Variants in NR2C2 observed in about 807,000 individuals in gnomAD.
The protein encoded by NR2C2 is nuclear receptor subfamily 2 group C member 2.
Under a neutral mutation model 62.9 loss-of-function variants are expected in NR2C2, and 6 were observed. The observed-to-expected ratio is 0.10, with a 90% CI of 0.05 to 0.19. The LOEUF (loss-of-function observed/expected upper bound fraction) is 0.19, where lower values mean the gene tolerates loss of function less well. Among genes scored for constraint, NR2C2 ranks in the 10% least tolerant of loss-of-function variants. The pLI is 1.00. For missense variants in NR2C2, 479 were observed against 762.7 expected (o/e 0.63, Z 4.38); for synonymous variants, 272 against 273.8 (o/e 0.99, Z 0.07).
intron 2 of NR2C2, chr3:15,004,678 T>G: frequency 6.4e-7 from 1 of 1,563,082 alleles, no homozygotes; most frequent in Non-Finnish European, 8.7e-7. Context: ...TGACAAAGAT[T>G]TATTGTTATC....
chr3:14,958,359 G>A (rs529678207), intron 1 of NR2C2, among the ~76,000 whole-genome samples: 210 of 151,598 alleles, frequency 1.4e-3, no homozygotes, highest in Non-Finnish European at 2.6e-3. Flanking sequence ...TTTAACTTAA[G>A]GTACTCAGTA....
chr3:15,001,413 C>T (rs573203433), intron 1 of NR2C2, among the ~76,000 whole-genome samples: 1 of 145,520 alleles, frequency 6.9e-6, no homozygotes, highest in African/African-American at 2.6e-5. Context: ...TGGCTCACTG[C>T]AACCTCCGCC....
chr3:14,999,460 T>C (rs965177794), intron 1 of NR2C2, among the ~76,000 whole-genome samples: 1 of 152,304 alleles, frequency 6.6e-6, no homozygotes, highest in Admixed American at 6.5e-5. Flanking sequence ...TACTGCGCTC[T>C]AGCACAGGCA....
intron 5 of NR2C2, 47 bp downstream of exon 5, chr3:15,020,979 C>T: frequency 6.5e-7 from 1 of 1,539,534 alleles, no homozygotes; most frequent in Non-Finnish European, 8.9e-7. Context: ...TGGAGGGAGA[C>T]AGTAAATGAG....
At chr3:15,035,936 G>C (rs2042091139) in intron 11 of NR2C2, among the ~76,000 whole-genome samples, 1 of 152,228 alleles carries the variant, frequency 6.6e-6, no homozygotes, top group South Asian at 2.1e-4. Context: ...GCTGAGGCGG[G>C]AGAACCACTT....
intron 1 of NR2C2, among the ~76,000 whole-genome samples, chr3:14,960,548 G>A (rs1224531189): frequency 6.6e-6 from 1 of 152,054 alleles, no homozygotes; most frequent in Non-Finnish European, 1.5e-5. Flanking sequence ...CTCTTTTAGG[G>A]AACCCAATAG....
chr3:15,029,840 GATAT>G (rs757871550), intron 8 of NR2C2, among the ~76,000 whole-genome samples: 1 of 120,952 alleles, frequency 8.3e-6, no homozygotes, highest in South Asian at 2.4e-4. Flanking sequence ...TAGATAGATA[GATAT>G]AGATAGACCC....
intron 1 of NR2C2, chr3:14,948,813 T>G (rs1473119134): frequency 6.6e-6 from 1 of 152,272 alleles, no homozygotes; most frequent in Admixed American, 6.5e-5. Flanking sequence ...CTGCTCGTTA[T>G]TTCGCAGCGG....
intron 1 of NR2C2, among the ~76,000 whole-genome samples, chr3:14,973,880 C>G (rs2040124284): frequency 6.6e-6 from 1 of 152,100 alleles, no homozygotes. Context: ...CAGGTAAGCC[C>G]ATCACAAGTT....
chr3:14,952,229 G>A (rs550224349), intron 1 of NR2C2, among the ~76,000 whole-genome samples: 14 of 152,344 alleles, frequency 9.2e-5, no homozygotes, highest in African/African-American at 3.4e-4. Flanking sequence ...TTGGGGCCAG[G>A]GATAGCGGAT....
chr3:15,003,897 C>T lies in NR2C2; in HGVS notation c.-18C>T, dbSNP rs749305587. ...ACAGGTAACACGTACACAGACCTCT[C>T]GGCCGGAATCTCCAGGGATGACCAG... On this transcript the variant is annotated 5_prime_UTR_variant, in exon 2 of 14. Coordinates refer to ENST00000425241, the MANE Select transcript of NR2C2 (RefSeq NM_001291694.2). The T allele has an allele frequency of 3.7e-6, 6 of 1,613,554 alleles. No individual in the cohort carries two copies. Among genetic ancestry groups the T allele is most frequent in the Non-Finnish European group, 5.1e-6 (6 of 1,179,566 alleles).
chr3:14,973,817 C>T (rs2040121930), intron 1 of NR2C2, among the ~76,000 whole-genome samples: 1 of 152,020 alleles, frequency 6.6e-6, no homozygotes, highest in Non-Finnish European at 1.5e-5. Context: ...AAAATTTACT[C>T]TCTTAACCGT....
chr3:14,988,502 G>A (rs564985420), intron 1 of NR2C2, among the ~76,000 whole-genome samples: 1 of 152,336 alleles, frequency 6.6e-6, no homozygotes, highest in African/African-American at 2.4e-5. Flanking sequence ...AGGCCAGAGG[G>A]CAGGAGCAAA....
At chr3:14,962,295 A>G (rs1380730212) in intron 1 of NR2C2, 3 of 152,660 alleles carry the variant, frequency 2.0e-5, no homozygotes, top group Non-Finnish European at 2.9e-5. Flanking sequence ...TCTGTCTGCT[A>G]TAGAGGGCAA....
chr3:15,029,493 A>G (rs2041910051), intron 8 of NR2C2, among the ~76,000 whole-genome samples: 2 of 152,184 alleles, frequency 1.3e-5, no homozygotes. Context: ...CTGATAACAA[A>G]TAAGATCTAG....
chr3:15,021,053 C>T, intron 5 of NR2C2, 121 bp downstream of exon 5: 2 of 989,488 alleles, frequency 2.0e-6, no homozygotes, highest in Non-Finnish European at 2.9e-6. Flanking sequence ...TGCACTCAGG[C>T]TTCATTTTGG....
chr3:14,975,486 C>T (rs1030662028), intron 1 of NR2C2, among the ~76,000 whole-genome samples: 5 of 151,542 alleles, frequency 3.3e-5, no homozygotes, highest in Non-Finnish European at 7.4e-5. Context: ...TGTTTTTTTC[C>T]GTTCATTCTT....
chr3:15,002,138 A>G (rs138162828), intron 1 of NR2C2, among the ~76,000 whole-genome samples: 291 of 152,312 alleles, frequency 1.9e-3, no homozygotes, highest in African/African-American at 6.5e-3. Context: ...GAGAATGGAC[A>G]TCCTCATCTT....
chr3:15,036,187 CAAAACA>C (rs1559309380), intron 11 of NR2C2, among the ~76,000 whole-genome samples: 1 of 151,744 alleles, frequency 6.6e-6, no homozygotes. Context: ...GAAACTATTT[CAAAACA>C]AAAACAAAAA....
Sources: gnomAD v4.1 joint callset for allele counts (sites outside exome capture counted in the v4.1 genomes callset) on GRCh38, gnomAD v4.1.1 for gene constraint, MANE v1.5 for transcripts, NCBI Gene and HGNC (gene_info 2026-07-23, HGNC 2026-07-21) for gene names.